Variants in EEPD1 observed in about 807,000 individuals in gnomAD.
The protein encoded by EEPD1 is endonuclease/exonuclease/phosphatase family domain containing 1, also known as endonuclease/exonuclease/phosphatase family domain-containing protein 1.
In EEPD1, 17 loss-of-function variants were observed where a neutral mutation model predicts 46.3. The observed-to-expected ratio is 0.37, with a 90% CI of 0.25 to 0.55. EEPD1 has a LOEUF of 0.55. Ranked by LOEUF, EEPD1 falls within the 20% of genes least tolerant of loss-of-function variation. The pLI is 0.83. For synonymous variants in EEPD1, 313 were observed against 315.6 expected (o/e 0.99, Z 0.09); for missense variants, 673 against 745.6 (o/e 0.90, Z 1.13).
At chr7:36,201,673 ACTC>A (rs761203013) in intron 2 of EEPD1, among the ~76,000 whole-genome samples, 15 of 151,354 alleles carry the variant, frequency 9.9e-5, no homozygotes, top group Non-Finnish European at 2.1e-4. Flanking sequence ...TAAACCATCA[ACTC>A]CTCTTCTTTC....
At chr7:36,168,789 A>C (rs1282873371) in intron 2 of EEPD1, among the ~76,000 whole-genome samples, 1 of 150,550 alleles carries the variant, frequency 6.6e-6, no homozygotes, top group Non-Finnish European at 1.5e-5. Flanking sequence ...GAGGGGGGAC[A>C]GTTGTTTCCT....
intron 3 of EEPD1, among the ~76,000 whole-genome samples, chr7:36,239,301 G>A (rs752290128): frequency 2.5e-4 from 38 of 152,148 alleles, no homozygotes; most frequent in Admixed American, 5.2e-4. Flanking sequence ...GCTGCAAGGG[G>A]CCATACTCTG....
At chr7:36,175,112 G>A (rs1785153693) in intron 2 of EEPD1, among the ~76,000 whole-genome samples, 1 of 152,226 alleles carries the variant, frequency 6.6e-6, no homozygotes, top group Admixed American at 6.5e-5. Context: ...CAAAAACTCA[G>A]TGATTGGCAC....
chr7:36,292,844 T>G (rs1020029257), intron 6 of EEPD1, among the ~76,000 whole-genome samples: 2 of 152,128 alleles, frequency 1.3e-5, no homozygotes, highest in Non-Finnish European at 2.9e-5. Flanking sequence ...TGTGTCAGGT[T>G]TTGTTTCATT....
chr7:36,211,277 G>A (rs944062885), intron 2 of EEPD1, among the ~76,000 whole-genome samples: 9 of 152,162 alleles, frequency 5.9e-5, no homozygotes, highest in African/African-American at 1.2e-4. Context: ...CTATACATGC[G>A]CAGTGTTAAA....
chr7:36,272,848 A>G (rs1007926652), intron 3 of EEPD1, among the ~76,000 whole-genome samples: 1 of 152,244 alleles, frequency 6.6e-6, no homozygotes, highest in Non-Finnish European at 1.5e-5. Flanking sequence ...CAGGAGCAGG[A>G]AGCCCATGGC....
intron 2 of EEPD1, among the ~76,000 whole-genome samples, chr7:36,159,246 T>A (rs1308863929): frequency 6.6e-5 from 10 of 152,182 alleles, no homozygotes. Flanking sequence ...TCAATGTAGA[T>A]TAGTTTGTGT....
chr7:36,234,062 C>T (rs916601943), intron 2 of EEPD1, among the ~76,000 whole-genome samples: 1 of 152,058 alleles, frequency 6.6e-6, no homozygotes, highest in African/African-American at 2.4e-5. Context: ...GGATTACAGG[C>T]GCCCGCCACC....
intron 3 of EEPD1, among the ~76,000 whole-genome samples, chr7:36,279,352 C>G (rs1159706624): frequency 6.6e-6 from 1 of 152,172 alleles, no homozygotes; most frequent in Non-Finnish European, 1.5e-5. Context: ...CCTAGAATAG[C>G]CCATTTCTAA....
chr7:36,177,300 G>T (rs929978449), intron 2 of EEPD1, among the ~76,000 whole-genome samples: 2 of 151,778 alleles, frequency 1.3e-5, no homozygotes, highest in Non-Finnish European at 2.9e-5. Context: ...TTCAGGGGGT[G>T]CATGTGCTGG....
intron 2 of EEPD1, among the ~76,000 whole-genome samples, chr7:36,226,618 C>A (rs1163961213): frequency 6.6e-6 from 1 of 152,152 alleles, no homozygotes; most frequent in Non-Finnish European, 1.5e-5. Flanking sequence ...CTTTACTAAT[C>A]AGGAAATAAA....
intron 2 of EEPD1, among the ~76,000 whole-genome samples, chr7:36,229,571 C>A: frequency 6.6e-6 from 1 of 152,014 alleles, no homozygotes; most frequent in South Asian, 2.1e-4. Flanking sequence ...GTCGTCATTT[C>A]TCCTCCTTCA....
At chr7:36,192,918 C>T (rs149360650) in intron 2 of EEPD1, among the ~76,000 whole-genome samples, 4 of 152,320 alleles carry the variant, frequency 2.6e-5, no homozygotes, top group African/African-American at 4.8e-5. Context: ...GCCAGATCTC[C>T]GGACCAGGTG....
chr7:36,249,143 C>CA (rs1474108957), intron 3 of EEPD1, among the ~76,000 whole-genome samples: 7 of 152,032 alleles, frequency 4.6e-5, no homozygotes, highest in Non-Finnish European at 8.8e-5. Context: ...AGCAAAAAAA[C>CA]AGAGTCCCCA....
chr7:36,295,764 C>T (rs1787512704), intron 6 of EEPD1, among the ~76,000 whole-genome samples: 1 of 152,114 alleles, frequency 6.6e-6, no homozygotes, highest in African/African-American at 2.4e-5. Flanking sequence ...GGTGTGGTGG[C>T]TCACGCCTAT....
chr7:36,280,629 G>A (rs978093914), intron 3 of EEPD1, among the ~76,000 whole-genome samples: 2 of 152,212 alleles, frequency 1.3e-5, no homozygotes, highest in African/African-American at 2.4e-5. Context: ...GCAGCAAGAG[G>A]TAAACAAGAC....
At chr7:36,212,126 A>G (rs1282372958) in intron 2 of EEPD1, among the ~76,000 whole-genome samples, 1 of 152,228 alleles carries the variant, frequency 6.6e-6, no homozygotes, top group Non-Finnish European at 1.5e-5. Flanking sequence ...ACCTGCACAG[A>G]AGAAATACAT....
At chr7:36,215,440 A>C (rs1786012654) in intron 2 of EEPD1, among the ~76,000 whole-genome samples, 1 of 152,218 alleles carries the variant, frequency 6.6e-6, no homozygotes, top group African/African-American at 2.4e-5. Context: ...GGTAGGTGGA[A>C]CGTTTTCCTC....
chr7:36,210,635 C>T (rs1785910934), intron 2 of EEPD1, among the ~76,000 whole-genome samples: 1 of 152,206 alleles, frequency 6.6e-6, no homozygotes, highest in African/African-American at 2.4e-5. Context: ...CACCTCCTCC[C>T]TCACTCTCTT....
Sources: gnomAD v4.1 joint callset for allele counts (sites outside exome capture counted in the v4.1 genomes callset) on GRCh38, gnomAD v4.1.1 for gene constraint, MANE v1.5 for transcripts, NCBI Gene and HGNC (gene_info 2026-07-23, HGNC 2026-07-21) for gene names.